The following WASHC2C variants were observed in gnomAD, a reference collection of about 807,000 sequenced individuals.
WASHC2C encodes Vaccinia Penetration Factor.
Under a neutral mutation model 142.2 loss-of-function variants are expected in WASHC2C, and 73 were observed. That is an observed-to-expected ratio of 0.51 (90% confidence interval 0.43 to 0.62). The LOEUF (loss-of-function observed/expected upper bound fraction) is 0.62, where lower values mean the gene tolerates loss of function less well. WASHC2C is among the 20% of genes least tolerant of loss of function. WASHC2C has a pLI of 0.00. For synonymous variants in WASHC2C, 337 were observed against 565.5 expected, an observed-to-expected ratio of 0.60 and a Z score of 5.73; for missense variants, 969 against 1,531.7, an observed-to-expected ratio of 0.63 and a Z score of 6.13.
At chr10:45,787,673 C>T (rs2058143837) in intron 28 of WASHC2C, among the ~76,000 whole-genome samples, 1 of 151,736 alleles carries the variant, frequency 6.6e-6, no homozygotes, top group Admixed American at 6.6e-5. Context: ...AGCTTCCTCA[C>T]TAGTCACTTC....
rs71520974 is a variant in WASHC2C at position 45,736,405 on chromosome 10, CAAAAAAAAAAAAAAAA to C, written c.292-1561_292-1546del. On this transcript the variant is annotated intron_variant, in intron 3 of 30. Transcript: ENST00000623400. ...TTGGCAACAGAGTGAGACTCCATCT[CAAAAAAAAAAAAAAAA>C]AAAAAAAAAAAAAAAAGGGCAAAAA... Among the ~76,000 whole-genome samples the C allele has an allele frequency of 3.4e-3, 84 of 24,564 alleles. 3 individuals are homozygous for C. The highest frequency in any genetic ancestry group is 9.8e-3 in the African/African-American group (69 of 7,026). The allele number at this position is 24,564 out of a possible 152,430, so 16.1% of individuals were successfully genotyped here.
intron 21 of WASHC2C, among the ~76,000 whole-genome samples, chr10:45,773,760 C>T (rs1554885545): frequency 6.6e-6 from 1 of 152,142 alleles, no homozygotes; most frequent in Non-Finnish European, 1.5e-5. Context: ...ATGCATGAAC[C>T]TTGAGGCCGT....
chr10:45,784,268 A>ATATATATGTG (rs1554888923), intron 23 of WASHC2C, among the ~76,000 whole-genome samples: 6 of 5,466 alleles, frequency 1.1e-3, no homozygotes, highest in African/African-American at 2.0e-3. Flanking sequence ...ATATATATAT[A>ATATATATGTG]TATATATATA....
rs534755432 is a variant in WASHC2C at position 45,776,191 on chromosome 10, A to G, written c.2143-1082A>G. 5.1e-3 allele frequency among the ~76,000 whole-genome samples: 783 copies of G among 152,074 alleles called. 1 individual carries two copies. Among genetic ancestry groups the G allele is most frequent in the African/African-American group, 0.018 (753 of 41,464 alleles). ...CTTTCTTCATTCATCACATTTTAAA[A>G]TCATGATTAGCAATGTCCTTCCTTA... On this transcript the variant is annotated intron_variant, in intron 21 of 30. Coordinates refer to ENST00000623400, the MANE Select transcript of WASHC2C (RefSeq NM_001330074.2).
intron 3 of WASHC2C, among the ~76,000 whole-genome samples, chr10:45,731,888 G>A (rs1321863530): frequency 3.5e-5 from 5 of 141,208 alleles, no homozygotes; most frequent in Admixed American, 3.1e-4. Flanking sequence ...TCTACCTCCC[G>A]GGTTCATGCC....
rs2054078227 is a variant in WASHC2C at position 45,755,099 on chromosome 10, C to G, written c.1404C>G (p.Ser468Arg). Residue 468 changes from serine (S) to arginine (R), a missense_variant, in exon 15 of 31, where the codon AGC becomes AGG. Coordinates refer to ENST00000623400, the MANE Select transcript of WASHC2C (RefSeq NM_001330074.2). ...ACGACTTTTTCTCGGCACCCCACAG[C>G]AAACCTTCTAAAACACGTATGTGTT... Reference protein sequence around the residue: ...DDDDFFSAPHSKPSKTRKVQS... With the variant: ...DDDDFFSAPHRKPSKTRKVQS... 6.2e-7 allele frequency: 1 copy of G among 1,609,118 alleles called. No individual in the cohort carries two copies. The highest frequency in any genetic ancestry group is 1.3e-5 in the African/African-American group (1 of 74,350).
intron 16 of WASHC2C, among the ~76,000 whole-genome samples, chr10:45,758,990 C>G (rs1328635261): frequency 6.6e-6 from 1 of 150,774 alleles, no homozygotes; most frequent in Non-Finnish European, 1.5e-5. Flanking sequence ...TGACTTTCTC[C>G]TGCCGACCAC....
intron 28 of WASHC2C, 63 bp from the exon 29 acceptor site, chr10:45,788,808 C>T: frequency 3.1e-6 from 5 of 1,611,878 alleles, no homozygotes; most frequent in Non-Finnish European, 4.2e-6. Flanking sequence ...TGATTCTTTG[C>T]CATGGTAGCT....
At chr10:45,730,765 G>A (rs540282688) in intron 3 of WASHC2C, among the ~76,000 whole-genome samples, 7 of 151,838 alleles carry the variant, frequency 4.6e-5, no homozygotes, top group South Asian at 2.1e-4. Context: ...GACTACAGGC[G>A]CGTGCCACCA....
chr10:45,730,951 A>G (rs1289265360), intron 3 of WASHC2C, among the ~76,000 whole-genome samples: 1 of 151,002 alleles, frequency 6.6e-6, no homozygotes, highest in East Asian at 2.0e-4. Context: ...GTGTGCCTGT[A>G]CCAGATTGGT....
chr10:45,730,030 A>AGT (rs2050347178), intron 3 of WASHC2C, among the ~76,000 whole-genome samples: 1 of 145,528 alleles, frequency 6.9e-6, no homozygotes, highest in Non-Finnish European at 1.5e-5. Context: ...ACAGCAAAGG[A>AGT]GTACTTATGA....
At chr10:45,765,639 T>C in intron 18 of WASHC2C, 40 bp from the exon 19 acceptor site, 1 of 1,609,992 alleles carries the variant, frequency 6.2e-7, no homozygotes, top group South Asian at 1.1e-5. Flanking sequence ...TGTTTTCTGA[T>C]TATAAAGTTG....
intron 15 of WASHC2C, among the ~76,000 whole-genome samples, chr10:45,755,396 CT>C (rs1446536890): frequency 6.6e-6 from 1 of 152,244 alleles, no homozygotes; most frequent in East Asian, 1.9e-4. Flanking sequence ...ATTTCCAGTT[CT>C]GACCTTTGGT....
chr10:45,727,530 C>T lies in WASHC2C; in HGVS notation c.117C>T (p.Ala39=). ...RRSSQSWSLA[A]DAGLLQFLQE... ...GCAGCCAGAGCTGGTCGCTGGCGGC[C>T]GACGCGGGCGTGAGAGGCGGGCCCC... is the stretch of plus-strand genomic sequence containing the variant. The change falls in exon 2 of 31, where the codon GCC becomes GCT. Residue 39 remains alanine, a synonymous_variant. Transcript: ENST00000623400. 1 of 1,586,346 alleles carries T rather than the reference C, an allele frequency of 6.3e-7. No individual in the cohort carries two copies. Among genetic ancestry groups the T allele is most frequent in the Non-Finnish European group, 8.6e-7 (1 of 1,167,982 alleles).
chr10:45,772,245 G>T (rs1479521560), intron 20 of WASHC2C, among the ~76,000 whole-genome samples: 1 of 151,452 alleles, frequency 6.6e-6, no homozygotes, highest in African/African-American at 2.4e-5. Context: ...TGGGGCAGGG[G>T]GAATGGAGAG....
At chr10:45,763,536 C>T (rs199831102) in intron 18 of WASHC2C, 47 bp downstream of exon 18, 57 of 612,250 alleles carry the variant, frequency 9.3e-5, no homozygotes, top group Non-Finnish European at 1.4e-4. Flanking sequence ...TAGGAGAAAA[C>T]GGTTGTTGAT....
intron 5 of WASHC2C, among the ~76,000 whole-genome samples, chr10:45,740,694 T>C (rs2051900096): frequency 1.3e-5 from 2 of 152,198 alleles, no homozygotes; most frequent in African/African-American, 4.8e-5. Flanking sequence ...GCAGAAGAAC[T>C]GAAAGGCATT....
intron 7 of WASHC2C, 114 bp from the exon 8 acceptor site, chr10:45,746,486 G>C (rs1164648716): frequency 7.9e-7 from 1 of 1,259,514 alleles, no homozygotes; most frequent in South Asian, 1.2e-5. Flanking sequence ...GAGTGTCAGA[G>C]CTTTTTCTCC....
Position 45,789,329 on chromosome 10 carries a change from T to G in WASHC2C, c.3546T>G (p.Asp1182Glu). 6.2e-7 allele frequency: 1 copy of G among 1,612,064 alleles called. No individual in the cohort carries two copies. The highest frequency in any genetic ancestry group is 8.5e-7 in the Non-Finnish European group (1 of 1,179,872). ...FPALGEASSD[D>E]DLFQSAKPKP... is the part of the protein sequence containing the mutation. The stretch of plus-strand genomic sequence containing the variant: ...CTCTAGGCGAGGCCAGCAGTGATGA[T>G]GATCTCTTTCAGTCTGCTAAACCAA... Residue 1182 changes from aspartate (D) to glutamate (E), a missense_variant, in exon 29 of 31, where the codon GAT becomes GAG. Transcript: ENST00000623400.
Sources: gnomAD v4.1 joint callset for allele counts (sites outside exome capture counted in the v4.1 genomes callset) on GRCh38, gnomAD v4.1.1 for gene constraint, MANE v1.5 for transcripts, NCBI Gene and HGNC (gene_info 2026-07-23, HGNC 2026-07-21) for gene names.